The following CALCRL variants were observed in gnomAD, a reference collection of about 807,000 sequenced individuals.
CALCRL encodes the protein calcitonin receptor like receptor.
A neutral mutation model predicts 60.4 loss-of-function variants in CALCRL; 27 were observed. The ratio of observed to expected loss-of-function variants is 0.45; its 90% CI spans 0.33 to 0.62. The LOEUF (loss-of-function observed/expected upper bound fraction) is 0.62, where lower values mean the gene tolerates loss of function less well. CALCRL is among the 20% of genes least tolerant of loss of function. The pLI, the probability that CALCRL is intolerant of heterozygous loss-of-function variation, is 0.03. For missense variants in CALCRL, 424 were observed against 540.7 expected, an observed-to-expected ratio of 0.78 and a Z score of 2.14; for synonymous variants, 190 against 182.6, an observed-to-expected ratio of 1.04 and a Z score of -0.33.
chr2:187,357,993 C>T (rs1009109682), intron 12 of CALCRL, among the ~76,000 whole-genome samples: 3 of 151,928 alleles, frequency 2.0e-5, no homozygotes, highest in Admixed American at 1.3e-4. Context: ...CTCCTAAGGA[C>T]TGTAATTGCA....
intron 8 of CALCRL, among the ~76,000 whole-genome samples, chr2:187,371,739 T>A (rs1220260059): frequency 6.6e-6 from 1 of 152,008 alleles, no homozygotes; most frequent in Non-Finnish European, 1.5e-5. Flanking sequence ...CCATTTTTTT[T>A]TTTTAAAGAA....
chr2:187,416,346 TAC>T (rs778529125), intron 1 of CALCRL, among the ~76,000 whole-genome samples: 1 of 152,126 alleles, frequency 6.6e-6, no homozygotes, highest in African/African-American at 2.4e-5. Flanking sequence ...TCTTGAATGA[TAC>T]AGAGTTACCA....
chr2:187,416,625 C>T (rs1689621874), intron 1 of CALCRL, among the ~76,000 whole-genome samples: 1 of 152,074 alleles, frequency 6.6e-6, no homozygotes, highest in Non-Finnish European at 1.5e-5. Flanking sequence ...GAGTCTGATC[C>T]TTCTAGTAGA....
chr2:187,379,000 A>T lies in CALCRL; in HGVS notation c.440T>A (p.Ile147Asn), dbSNP rs1380983018. 1 of 1,608,170 alleles carries T rather than the reference A, an allele frequency of 6.2e-7. No homozygotes were observed. The highest frequency in any genetic ancestry group is 1.1e-5 in the South Asian group (1 of 90,034). Residue 147 changes from isoleucine to asparagine, a missense_variant, in exon 8 of 15, where the codon ATT (isoleucine) becomes AAT (asparagine). Physicochemically the swap from Ile to Asn is moderately radical, Grantham distance 149 (BLOSUM62 -3). This residue lies in a region of CALCRL where 43 missense variants were observed against 46.6 expected (regional missense o/e 0.92). Transcript: ENST00000392370. ...TGATGCAATAGACAATCCGTGTCCA[A>T]TTATGGTCAGGTAAAACAAATTTAG... ...TALNLFYLTI[I>N]GHGLSIASLL... is the part of the protein sequence containing the mutation.
At chr2:187,349,238 C>T (rs138278190) in intron 14 of CALCRL, among the ~76,000 whole-genome samples, 2 of 151,460 alleles carry the variant, frequency 1.3e-5, no homozygotes, top group African/African-American at 4.8e-5. Flanking sequence ...TCTGAGGGCA[C>T]TAGGGATAAA....
intron 3 of CALCRL, 116 bp from the exon 4 acceptor site, chr2:187,385,747 A>T: frequency 1.6e-6 from 1 of 643,730 alleles, no homozygotes; most frequent in Non-Finnish European, 2.6e-6. Flanking sequence ...TTTACTTTAA[A>T]GATTTGATAA....
At chr2:187,399,562 C>CCT (rs1688798056) in intron 1 of CALCRL, among the ~76,000 whole-genome samples, 1 of 151,366 alleles carries the variant, frequency 6.6e-6, no homozygotes, top group Non-Finnish European at 1.5e-5. Flanking sequence ...AGAGACAGCA[C>CCT]ACAGAATGGG....
At chr2:187,390,153 A>G (rs1398522618) in intron 1 of CALCRL, among the ~76,000 whole-genome samples, 1 of 152,140 alleles carries the variant, frequency 6.6e-6, no homozygotes, top group African/African-American at 2.4e-5. Flanking sequence ...TAAAATCCTG[A>G]AAACTATTCA....
At chr2:187,397,690 G>C (rs1187783709) in intron 1 of CALCRL, among the ~76,000 whole-genome samples, 1 of 151,380 alleles carries the variant, frequency 6.6e-6, no homozygotes, top group Non-Finnish European at 1.5e-5. Context: ...CCTCACCCCA[G>C]CTACAACCCT....
chr2:187,375,351 A>G (rs1372458410), intron 8 of CALCRL, among the ~76,000 whole-genome samples: 1 of 152,030 alleles, frequency 6.6e-6, no homozygotes, highest in Non-Finnish European at 1.5e-5. Flanking sequence ...TTGCCACTGA[A>G]AAATTCTTTT....
chr2:187,404,784 C>G (rs976040744), intron 1 of CALCRL, among the ~76,000 whole-genome samples: 4 of 151,844 alleles, frequency 2.6e-5, no homozygotes, highest in African/African-American at 9.7e-5. Flanking sequence ...AGAAAACTCA[C>G]ATGAATGAGG....
intron 8 of CALCRL, among the ~76,000 whole-genome samples, chr2:187,364,267 G>T (rs182305998): frequency 4.2e-4 from 64 of 152,214 alleles, no homozygotes; most frequent in African/African-American, 1.3e-3. Flanking sequence ...AGAAGATTGT[G>T]CATATATGAC....
Position 187,387,712 on chromosome 2 carries a change from AT to A in CALCRL, c.-249del, listed in dbSNP as rs1688265564. 1 of 397,040 alleles carries A rather than the reference AT, an allele frequency of 2.5e-6. No homozygotes were observed. The allele number at this position is 397,040 out of a possible 1,614,324, so 24.6% of individuals were successfully genotyped here. A position where few individuals can be genotyped will look rare whatever the true frequency, so the allele number is the denominator to read the frequency against. ...CAAATCACATTTTCTCTTGGATCATATTTGACATTGTCTTTAAGAATTTCTT... is the reference window on the plus strand; with the variant it reads ...CAAATCACATTTTCTCTTGGATCATATTGACATTGTCTTTAAGAATTTCTT... On this transcript the variant is annotated 5_prime_UTR_variant, in exon 2 of 15. The change creates a premature stop within an existing upstream ORF in the 5' untranslated region. Transcript: ENST00000392370.
chr2:187,393,348 C>T (rs958755888), intron 1 of CALCRL, among the ~76,000 whole-genome samples: 4 of 152,030 alleles, frequency 2.6e-5, no homozygotes, highest in African/African-American at 4.8e-5. Flanking sequence ...TGGGACATGC[C>T]GAAACCTGAA....
chr2:187,350,760 G>C (rs908761373), intron 14 of CALCRL, among the ~76,000 whole-genome samples: 1 of 151,576 alleles, frequency 6.6e-6, no homozygotes, highest in African/African-American at 2.4e-5. Context: ...TTATAGGAAT[G>C]GTTGTCATAG....
chr2:187,370,418 T>C (rs1687469954), intron 8 of CALCRL, among the ~76,000 whole-genome samples: 1 of 152,220 alleles, frequency 6.6e-6, no homozygotes. Flanking sequence ...CAAATAATGA[T>C]ATAATTTTCA....
At chr2:187,429,676 T>C (rs1301892455) in intron 1 of CALCRL, among the ~76,000 whole-genome samples, 1 of 152,194 alleles carries the variant, frequency 6.6e-6, no homozygotes, top group Non-Finnish European at 1.5e-5. Context: ...CTTGCTAGAA[T>C]TGAAGTGAAT....
chr2:187,389,415 A>C (rs1395986959), intron 1 of CALCRL, among the ~76,000 whole-genome samples: 4 of 152,100 alleles, frequency 2.6e-5, no homozygotes, highest in Non-Finnish European at 5.9e-5. Flanking sequence ...TCTTAGTATG[A>C]ATGAAGATAG....
At chr2:187,360,843 C>T in intron 9 of CALCRL, 92 bp from the exon 10 acceptor site, 2 of 1,145,876 alleles carry the variant, frequency 1.7e-6, no homozygotes, top group Non-Finnish European at 2.4e-6. Context: ...ATGGAACATT[C>T]TCCCCTACAC....
Sources: gnomAD v4.1 joint callset for allele counts (sites outside exome capture counted in the v4.1 genomes callset) on GRCh38, gnomAD v4.1.1 for gene constraint, gnomAD v4.1.1 regional missense constraint, MANE v1.5 for transcripts, NCBI Gene and HGNC (gene_info 2026-07-23, HGNC 2026-07-21) for gene names.